Variants in SATB2 observed in about 807,000 individuals in gnomAD.
SATB2 encodes the protein SATB homeobox 2, also known as DNA-binding protein SATB2.
Under a neutral mutation model 73.4 loss-of-function variants are expected in SATB2, and 1 was observed. The observed-to-expected ratio is 0.01, with a 90% CI of 0.00 to 0.06. SATB2 has a LOEUF of 0.06. Ranked by LOEUF, SATB2 falls within the 10% of genes least tolerant of loss-of-function variation. The pLI is 1.00. For missense variants in SATB2, 459 were observed against 945.8 expected (o/e 0.49, Z 6.75); for synonymous variants, 397 against 367.0 (o/e 1.08, Z -0.93).
intron 3 of SATB2, among the ~76,000 whole-genome samples, chr2:199,384,051 T>C (rs2105870890): frequency 6.6e-6 from 1 of 152,286 alleles, no homozygotes; most frequent in Non-Finnish European, 1.5e-5. Context: ...CTCAATTTTT[T>C]AGAGAGGGGA....
At chr2:199,407,288 CAAAAAA>C (rs34954916) in intron 3 of SATB2, among the ~76,000 whole-genome samples, 1 of 77,536 alleles carries the variant, frequency 1.3e-5, no homozygotes, top group African/African-American at 4.5e-5. Context: ...TCTTGTCTCC[CAAAAAA>C]AAAAAAAAAA....
At chr2:199,303,134 A>G (rs944763467) in intron 10 of SATB2, among the ~76,000 whole-genome samples, 6 of 152,356 alleles carry the variant, frequency 3.9e-5, no homozygotes, top group East Asian at 1.9e-4. Flanking sequence ...TTTCCAGCAC[A>G]TGATAAAAGT....
At chr2:199,414,452 C>A (rs1271324418) in intron 3 of SATB2, among the ~76,000 whole-genome samples, 2 of 152,196 alleles carry the variant, frequency 1.3e-5, no homozygotes, top group Non-Finnish European at 2.9e-5. Flanking sequence ...CAATACACAG[C>A]AGATGATTAA....
intron 6 of SATB2, among the ~76,000 whole-genome samples, chr2:199,361,861 G>A (rs1422381026): frequency 3.3e-5 from 5 of 150,482 alleles, no homozygotes; most frequent in South Asian, 2.1e-4. Flanking sequence ...GGGTTCAAGC[G>A]ATTCTCCTGC....
intron 1 of SATB2, among the ~76,000 whole-genome samples, chr2:199,456,931 T>C (rs1183373470): frequency 8.6e-6 from 1 of 116,958 alleles, no homozygotes; most frequent in Admixed American, 1.2e-4. Context: ...GGCAGTGCGC[T>C]CCCCACGGAA....
chr2:199,293,269 G>C (rs1274060422), intron 10 of SATB2, among the ~76,000 whole-genome samples: 1 of 151,934 alleles, frequency 6.6e-6, no homozygotes, highest in Non-Finnish European at 1.5e-5. Context: ...TTTTTTTCTA[G>C]TGATTTGCCA....
chr2:199,331,811 A>G (rs1487307511), intron 7 of SATB2, among the ~76,000 whole-genome samples: 1 of 152,168 alleles, frequency 6.6e-6, no homozygotes, highest in Non-Finnish European at 1.5e-5. Flanking sequence ...ACATACCACA[A>G]ATCACCCCAC....
At chr2:199,399,574 A>C (rs554672337) in intron 3 of SATB2, among the ~76,000 whole-genome samples, 1 of 152,334 alleles carries the variant, frequency 6.6e-6, no homozygotes, top group South Asian at 2.1e-4. Flanking sequence ...TAAAGAAAAA[A>C]GTTTCATTGG....
At chr2:199,322,126 G>A (rs769259997) in intron 9 of SATB2, among the ~76,000 whole-genome samples, 29 of 152,176 alleles carry the variant, frequency 1.9e-4, no homozygotes, top group Non-Finnish European at 2.8e-4. Flanking sequence ...TAAATCAACA[G>A]GAAGATTACA....
At chr2:199,460,521 A>G (rs1692452685), upstream of SATB2, 1 of 152,374 alleles carries the variant, frequency 6.6e-6, no homozygotes, top group Non-Finnish European at 1.5e-5. The surrounding 1 kb of genome is among the most constrained non-coding windows in gnomAD (Gnocchi z 4.0). Flanking sequence ...TGATATTAGG[A>G]GTTCAGTACT....
At chr2:199,318,193 C>G (rs1357775744) in intron 9 of SATB2, among the ~76,000 whole-genome samples, 1 of 151,940 alleles carries the variant, frequency 6.6e-6, no homozygotes, top group Non-Finnish European at 1.5e-5. Flanking sequence ...TATCTTATGG[C>G]CTATAGTTTC....
chr2:199,441,407 T>G (rs1691812748), intron 2 of SATB2, among the ~76,000 whole-genome samples: 1 of 152,222 alleles, frequency 6.6e-6, no homozygotes, highest in Non-Finnish European at 1.5e-5. Flanking sequence ...TTTTATTATT[T>G]ATTATGAAAT....
intron 5 of SATB2, among the ~76,000 whole-genome samples, chr2:199,379,499 G>A (rs535001370): frequency 6.6e-6 from 1 of 152,052 alleles, no homozygotes; most frequent in East Asian, 1.9e-4. Flanking sequence ...TTTGAAACAG[G>A]GGGGTGGGGA....
chr2:199,470,443 G>C (rs1692681703), intron 1 of SATB2: 1 of 152,290 alleles, frequency 6.6e-6, no homozygotes, highest in Non-Finnish European at 1.5e-5. Flanking sequence ...GCAGAGCCAG[G>C]AGAGGTTGGG....
intron 6 of SATB2, among the ~76,000 whole-genome samples, chr2:199,362,525 C>T (rs1574547873): frequency 6.6e-6 from 1 of 152,068 alleles, no homozygotes; most frequent in Non-Finnish European, 1.5e-5. Flanking sequence ...GTATATCTTA[C>T]GTGTGTATGG....
At chr2:199,466,319 G>C (rs543355047), upstream of SATB2, among the ~76,000 whole-genome samples, 52 of 152,250 alleles carry the variant, frequency 3.4e-4, no homozygotes, top group East Asian at 5.6e-3. Flanking sequence ...TCTGAGCTGT[G>C]GGTGTACATA....
At chr2:199,417,031 G>A (rs1036933019) in intron 3 of SATB2, among the ~76,000 whole-genome samples, 7 of 90,388 alleles carry the variant, frequency 7.7e-5, no homozygotes, top group African/African-American at 1.3e-4. Context: ...GTGAGACTCC[G>A]TCTCTCACAC....
At chr2:199,326,651 TA>T (rs1232861596) in intron 8 of SATB2, among the ~76,000 whole-genome samples, 1 of 152,196 alleles carries the variant, frequency 6.6e-6, no homozygotes, top group African/African-American at 2.4e-5. Context: ...TGGGCTCTTC[TA>T]TAATGGTTTA....
chr2:199,386,704 GCGCGCGCGCGCGCACA>G (rs1313660411), intron 3 of SATB2, among the ~76,000 whole-genome samples: 19 of 60,776 alleles, frequency 3.1e-4, no homozygotes, highest in South Asian at 2.4e-3. Flanking sequence ...AAGCGCGCGC[GCGCGCGCGCGCGCACA>G]CACACACACA....
Sources: allele counts gnomAD v4.1 joint callset (sites outside exome capture counted in the v4.1 genomes callset), GRCh38; gene constraint gnomAD v4.1.1; non-coding constraint Gnocchi (gnomAD v3.1); transcripts MANE v1.5; gene names NCBI Gene and HGNC (gene_info 2026-07-23, HGNC 2026-07-21).